Variants in NEGR1 observed in about 807,000 individuals in gnomAD.
NEGR1 encodes the protein neuronal growth regulator 1.
In NEGR1, 10 loss-of-function variants were observed where a neutral mutation model predicts 40.9. That is an observed-to-expected ratio of 0.24 (90% confidence interval 0.15 to 0.42). The LOEUF is 0.42. Among genes scored for constraint, NEGR1 ranks in the 10% least tolerant of loss-of-function variants. The pLI is 1.00. For missense variants in NEGR1, 352 were observed against 438.9 expected, an observed-to-expected ratio of 0.80 and a Z score of 1.77; for synonymous variants, 185 against 166.8, an observed-to-expected ratio of 1.11 and a Z score of -0.84.
At chr1:71,844,304 T>G (rs1659333202) in intron 2 of NEGR1, among the ~76,000 whole-genome samples, 1 of 152,186 alleles carries the variant, frequency 6.6e-6, no homozygotes, top group Non-Finnish European at 1.5e-5. Flanking sequence ...TGTAAACACT[T>G]GTGTTTGAAT....
At chr1:71,428,692 A>C (rs1029962614) in intron 6 of NEGR1, among the ~76,000 whole-genome samples, 9 of 149,738 alleles carry the variant, frequency 6.0e-5, no homozygotes, top group African/African-American at 1.9e-4. Flanking sequence ...TTATTATATA[A>C]ATTTATTTAC....
At chr1:71,438,002 G>A (rs1008033604) in intron 6 of NEGR1, among the ~76,000 whole-genome samples, 3 of 152,184 alleles carry the variant, frequency 2.0e-5, no homozygotes, top group African/African-American at 7.2e-5. Flanking sequence ...GGGGCTGCAT[G>A]GTTTGCTAGA....
At chr1:71,826,392 T>A (rs1246496838) in intron 2 of NEGR1, among the ~76,000 whole-genome samples, 4 of 151,956 alleles carry the variant, frequency 2.6e-5, no homozygotes, top group Middle Eastern at 3.2e-3. Context: ...TTTCACTAAA[T>A]CTTCTCTCTC....
At chr1:72,232,206 A>T (rs1654389245) in intron 1 of NEGR1, among the ~76,000 whole-genome samples, 1 of 151,940 alleles carries the variant, frequency 6.6e-6, no homozygotes, top group Admixed American at 6.6e-5. Context: ...ATACAAAAAA[A>T]ATTATCTGGG....
At chr1:71,607,655 G>T (rs1650112557) in intron 5 of NEGR1, among the ~76,000 whole-genome samples, 1 of 152,150 alleles carries the variant, frequency 6.6e-6, no homozygotes, top group African/African-American at 2.4e-5. Context: ...CCAATAGCAG[G>T]TGCTTGCTAA....
intron 4 of NEGR1, among the ~76,000 whole-genome samples, chr1:71,697,311 TAA>T (rs1256040621): frequency 6.6e-6 from 1 of 151,792 alleles, no homozygotes; most frequent in Non-Finnish European, 1.5e-5. Flanking sequence ...ATTTTTTAGA[TAA>T]AGACTTAGGG....
Position 71,406,793 on chromosome 1 carries a change from T to C in NEGR1, c.*653A>G, listed in dbSNP as rs1320000601. On this transcript the variant is annotated 3_prime_UTR_variant, in exon 7 of 7. Transcript: ENST00000357731. ...TTGTAAGATTTAGCAAAACATTTTA[T>C]ATTAGTTGGAGACAAAGAGAAAAAT... is the stretch of plus-strand genomic sequence containing the variant. 2 of 152,468 alleles carry C rather than the reference T, an allele frequency of 1.3e-5. No individual in the cohort carries two copies. The highest frequency in any genetic ancestry group is 2.9e-5 in the Non-Finnish European group (2 of 67,946). 9.4% of individuals were successfully genotyped at this position (152,468 alleles called of 1,614,324 possible). A position where few individuals can be genotyped will look rare whatever the true frequency, so the allele number is the denominator to read the frequency against.
chr1:71,548,915 G>A lies in NEGR1; in HGVS notation c.940+43902C>T, dbSNP rs550273651. 4.0e-5 allele frequency among the ~76,000 whole-genome samples: 6 copies of A among 151,778 alleles called. No individual in the cohort carries two copies. The South Asian group carries it at 8.3e-4, about 21-fold the overall frequency. ...CTTTGGTACAGCAAATATTGTCAAC[G>A]TACAGTGATTTAAATAAAAGAAAGA... On this transcript the variant is annotated intron_variant, in intron 6 of 6. Coordinates refer to ENST00000357731, the MANE Select transcript of NEGR1 (RefSeq NM_173808.3).
At position 71,396,336 on chromosome 1, in the gene NEGR1, A is replaced by T. The variant is rs146447846; in HGVS notation, c.*11110T>A. The stretch of plus-strand genomic sequence containing the variant: ...CTTTTTAGACAGCTCTTCAGAGGTC[A>T]CCTAAATCATATTTTATTGTCAAAT... On this transcript the variant is annotated 3_prime_UTR_variant, in exon 7 of 7. Coordinates refer to ENST00000357731, the MANE Select transcript of NEGR1 (RefSeq NM_173808.3). The T allele has an allele frequency of 3.9e-5, 6 of 152,326 alleles. No individual in the cohort carries two copies. The highest frequency in any genetic ancestry group is 1.4e-4 in the African/African-American group (6 of 41,578). 9.4% of individuals were successfully genotyped at this position (152,326 alleles called of 1,614,324 possible). A position where few individuals can be genotyped will look rare whatever the true frequency, so the allele number is the denominator to read the frequency against.
intron 6 of NEGR1, among the ~76,000 whole-genome samples, chr1:71,506,798 A>T (rs908104326): frequency 1.3e-5 from 2 of 152,058 alleles, no homozygotes; most frequent in Non-Finnish European, 2.9e-5. Context: ...ATGGATAAAA[A>T]ACAAAAACAA....
intron 2 of NEGR1, among the ~76,000 whole-genome samples, chr1:71,908,162 T>G (rs989124888): frequency 6.7e-6 from 1 of 149,672 alleles, no homozygotes; most frequent in African/African-American, 2.5e-5. Context: ...AAATAAAAGT[T>G]GAAATTGTTT....
intron 3 of NEGR1, among the ~76,000 whole-genome samples, chr1:71,743,903 A>G (rs1163093220): frequency 6.6e-6 from 1 of 152,170 alleles, no homozygotes. Flanking sequence ...CATCACCTCT[A>G]TACAGGGAAT....
intron 4 of NEGR1, among the ~76,000 whole-genome samples, chr1:71,655,178 A>C (rs927361064): frequency 2.0e-5 from 3 of 152,174 alleles, no homozygotes; most frequent in African/African-American, 7.2e-5. Context: ...CAGAGTCTAG[A>C]ACTAATTGCT....
At chr1:71,763,886 T>C (rs1162225500) in intron 3 of NEGR1, among the ~76,000 whole-genome samples, 1 of 152,108 alleles carries the variant, frequency 6.6e-6, no homozygotes, top group Non-Finnish European at 1.5e-5. Context: ...ATCTAGTTCC[T>C]AGAAGCCATG....
At chr1:71,715,786 T>G (rs894954695) in intron 3 of NEGR1, among the ~76,000 whole-genome samples, 3 of 152,210 alleles carry the variant, frequency 2.0e-5, no homozygotes, top group African/African-American at 7.2e-5. Flanking sequence ...ATATCACTAT[T>G]AGCATTTTGG....
intron 1 of NEGR1, among the ~76,000 whole-genome samples, chr1:71,945,123 T>C (rs1025565673): frequency 1.3e-5 from 2 of 152,160 alleles, no homozygotes; most frequent in African/African-American, 4.8e-5. Context: ...CTGTGTAGTG[T>C]AATTATAGTT....
chr1:71,725,319 T>C (rs1654634494), intron 3 of NEGR1, among the ~76,000 whole-genome samples: 1 of 152,100 alleles, frequency 6.6e-6, no homozygotes, highest in Admixed American at 6.6e-5. Context: ...TCACCACTCA[T>C]TGCTTCCATT....
chr1:72,224,700 ACGT>A, intron 1 of NEGR1, among the ~76,000 whole-genome samples: 1 of 152,044 alleles, frequency 6.6e-6, no homozygotes, highest in East Asian at 1.9e-4. Flanking sequence ...TTTTTAAATG[ACGT>A]CATGTTATTA....
At position 71,611,089 on chromosome 1, in the gene NEGR1, A is replaced by AGG; in HGVS notation, c.723_724dup (p.Leu242ProfsTer2). 6.2e-7 allele frequency: 1 copy of AGG among 1,613,886 alleles called. No individual in the cohort carries two copies. Among genetic ancestry groups the AGG allele is most frequent in the Non-Finnish European group, 8.5e-7 (1 of 1,179,796 alleles). ...CACACCTGCACCTTCACATCTTATC[A>AGG]GGCCACTGCGTCCGGGGGTCACGGT... On this transcript the variant is annotated frameshift_variant, in exon 5 of 7. Coordinates refer to ENST00000357731, the MANE Select transcript of NEGR1 (RefSeq NM_173808.3). LOFTEE classifies it high-confidence loss of function.
Sources: gnomAD v4.1 joint callset for allele counts (sites outside exome capture counted in the v4.1 genomes callset) on GRCh38, gnomAD v4.1.1 for gene constraint, MANE v1.5 for transcripts, NCBI Gene and HGNC (gene_info 2026-07-23, HGNC 2026-07-21) for gene names.